The following GLI3 variants were observed in gnomAD, a reference collection of about 807,000 sequenced individuals.
GLI3 encodes GLI family zinc finger 3.
A neutral mutation model predicts 100.8 loss-of-function variants in GLI3; 20 were observed. The ratio of observed to expected loss-of-function variants is 0.20; its 90% CI spans 0.14 to 0.29. The LOEUF is 0.29. Among genes scored for constraint, GLI3 ranks in the 10% least tolerant of loss-of-function variants. The pLI, the probability that GLI3 is intolerant of heterozygous loss-of-function variation, is 1.00. For missense variants in GLI3, 2,040 were observed against 2,128.5 expected (o/e 0.96, Z 0.82); for synonymous variants, 938 against 860.5 (o/e 1.09, Z -1.58).
At position 41,965,188 on chromosome 7, in the gene GLI3, G is replaced by A; in HGVS notation, c.3885C>T (p.Phe1295=). Residue 1295 remains phenylalanine (F), a synonymous_variant, in exon 15 of 15, where the codon TTC becomes TTT. Coordinates refer to ENST00000395925, the MANE Select transcript of GLI3 (RefSeq NM_000168.6). ...PMQGSGGQLN[F]GLPVAPNESA... ...ACTCATTTGGCGCTACCGGCAGGCC[G>A]AAATTCAGCTGGCCCCCGCTCCCTT... 6.2e-7 allele frequency: 1 copy of A among 1,613,860 alleles called. No homozygotes were observed. The highest frequency in any genetic ancestry group is 2.2e-5 in the East Asian group (1 of 44,874).
At chr7:42,261,592 A>T (rs964645012) in intron 1 of GLI3, among the ~76,000 whole-genome samples, 5 of 152,224 alleles carry the variant, frequency 3.3e-5, no homozygotes, top group Admixed American at 2.6e-4. Flanking sequence ...AGATTTCATA[A>T]GTCAGACTAT....
At chr7:42,234,216 G>A (rs892922372) in intron 1 of GLI3, among the ~76,000 whole-genome samples, 1 of 152,124 alleles carries the variant, frequency 6.6e-6, no homozygotes, top group Non-Finnish European at 1.5e-5. Flanking sequence ...CTCCATGTAA[G>A]TGAGTGCATG....
At chr7:42,136,003 T>C (rs1225145392) in intron 3 of GLI3, among the ~76,000 whole-genome samples, 1 of 152,198 alleles carries the variant, frequency 6.6e-6, no homozygotes, top group Non-Finnish European at 1.5e-5. Flanking sequence ...CAGCCCTGTG[T>C]AGAACCACAT....
At chr7:42,169,655 TA>T (rs1269292312) in intron 2 of GLI3, among the ~76,000 whole-genome samples, 1 of 152,110 alleles carries the variant, frequency 6.6e-6, no homozygotes. Flanking sequence ...AAGACTTCCC[TA>T]AAAGGATGTT....
At chr7:42,133,797 C>T (rs1786354295) in intron 3 of GLI3, among the ~76,000 whole-genome samples, 2 of 151,874 alleles carry the variant, frequency 1.3e-5, no homozygotes, top group African/African-American at 2.4e-5. Flanking sequence ...TTAAGAACAT[C>T]CTAGCTGGGC....
chr7:41,995,918 A>G (rs769148582), intron 10 of GLI3, among the ~76,000 whole-genome samples: 1 of 152,180 alleles, frequency 6.6e-6, no homozygotes, highest in Non-Finnish European at 1.5e-5. Flanking sequence ...AACCAACATT[A>G]CAAGGGTTAA....
chr7:42,143,625 C>T (rs879525920), intron 3 of GLI3, among the ~76,000 whole-genome samples: 5 of 152,176 alleles, frequency 3.3e-5, no homozygotes, highest in African/African-American at 1.2e-4. Flanking sequence ...AGCACAACAG[C>T]CTTCCACAGA....
intron 1 of GLI3, among the ~76,000 whole-genome samples, chr7:42,260,759 G>T (rs192325601): frequency 6.6e-6 from 1 of 152,268 alleles, no homozygotes; most frequent in African/African-American, 2.4e-5. Flanking sequence ...AAGTGAACAT[G>T]GCAACAAAAG....
At chr7:42,152,495 A>G (rs1554334367) in intron 2 of GLI3, 1 of 822,308 alleles carries the variant, frequency 1.2e-6, no homozygotes, top group Non-Finnish European at 1.5e-6. Flanking sequence ...TGCTGCTCCC[A>G]TTAGAGGAAT....
Position 42,020,987 on chromosome 7 carries a change from TTCAA to T in GLI3, c.1497+2477_1497+2480del, listed in dbSNP as rs1340896874. Among the ~76,000 whole-genome samples, 3 of 152,114 alleles carry T rather than the reference TTCAA, an allele frequency of 2.0e-5. No homozygotes were observed. The East Asian group carries it at 5.8e-4, about 29-fold the overall frequency. Reference sequence around the variant, plus strand: ...TAGGTGGACTTGAAGTAGCTATTCCTTCAATCAACATAATACAAAGCACCTACCT... The same window carrying T: ...TAGGTGGACTTGAAGTAGCTATTCCTTCAACATAATACAAAGCACCTACCT... On this transcript the variant is annotated intron_variant, in intron 10 of 14. Transcript: ENST00000395925.
rs1788824707 is a variant in GLI3 at position 42,237,207 on chromosome 7, T to C, written c.-279A>G. On this transcript the variant is annotated 5_prime_UTR_variant, in exon 1 of 15. Coordinates refer to ENST00000395925, the MANE Select transcript of GLI3 (RefSeq NM_000168.6). ...AGCGGCGGGTGTGCGCGAGTGCGAG[T>C]GTGCGAGCGCGCCGGTGGCGCTGCC... 1 of 150,074 alleles carries C rather than the reference T, an allele frequency of 6.7e-6. No homozygotes were observed. Among genetic ancestry groups the C allele is most frequent in the South Asian group, 1.9e-4 (1 of 5,230 alleles). The allele number at this position is 150,074 out of a possible 1,614,324, so 9.3% of individuals were successfully genotyped here.
At chr7:42,104,699 C>A (rs987803284) in intron 3 of GLI3, among the ~76,000 whole-genome samples, 1 of 152,130 alleles carries the variant, frequency 6.6e-6, no homozygotes, top group African/African-American at 2.4e-5. Context: ...ACATATTGAA[C>A]TCTAATCCCC....
chr7:42,218,047 C>T (rs946673338), intron 2 of GLI3, among the ~76,000 whole-genome samples: 1 of 152,134 alleles, frequency 6.6e-6, no homozygotes, highest in African/African-American at 2.4e-5. Context: ...TTCGTGTTGC[C>T]AGAACTCAAA....
chr7:42,059,221 T>C (rs1185166322), intron 4 of GLI3, among the ~76,000 whole-genome samples: 1 of 152,092 alleles, frequency 6.6e-6, no homozygotes, highest in Admixed American at 6.6e-5. Context: ...ATACACATTA[T>C]ATATTAAATT....
At chr7:42,019,908 C>T (rs1788888002) in intron 10 of GLI3, among the ~76,000 whole-genome samples, 1 of 152,030 alleles carries the variant, frequency 6.6e-6, no homozygotes, top group Admixed American at 6.6e-5. Context: ...CAAAAATACA[C>T]ACCTATCTTC....
intron 3 of GLI3, among the ~76,000 whole-genome samples, chr7:42,108,587 C>A (rs528390398): frequency 4.8e-4 from 73 of 152,210 alleles, no homozygotes; most frequent in African/African-American, 1.7e-3. Flanking sequence ...TACACAGACA[C>A]CCTGCCTCCC....
chr7:42,097,322 C>T (rs1785361259), intron 3 of GLI3, among the ~76,000 whole-genome samples: 1 of 152,240 alleles, frequency 6.6e-6, no homozygotes, highest in East Asian at 1.9e-4. Context: ...CACAGCCACC[C>T]TATTAGAGAC....
chr7:42,052,544 C>G (rs1437314622), intron 4 of GLI3, among the ~76,000 whole-genome samples: 5 of 152,200 alleles, frequency 3.3e-5, no homozygotes, highest in African/African-American at 1.2e-4. Context: ...TTGGAACAAT[C>G]ACAGCTCCCT....
chr7:41,967,709 T>C lies in GLI3; in HGVS notation c.2318A>G (p.Lys773Arg), dbSNP rs773266300. 6 of 1,614,194 alleles carry C rather than the reference T, an allele frequency of 3.7e-6. No individual in the cohort carries two copies. The highest frequency in any genetic ancestry group is 8.5e-7 in the Non-Finnish European group (1 of 1,180,030). ...LQARRNPAGT[K>R]WMEHVKLERL... ...TTCTAGTTTTACGTGCTCCATCCAT[T>C]TGGTCCCTGCCGGGTTTCTCCTGGC... The change falls in exon 14 of 15, where the codon AAA (lysine) becomes AGA (arginine). Residue 773 changes from lysine (K) to arginine (R), a missense_variant. By Grantham distance (26) the Lys-to-Arg change is conservative. Around this residue, in one of 5 missense-constraint regions of GLI3, gnomAD observed 327 missense variants for 338.7 expected, o/e 0.97. Transcript: ENST00000395925.
Sources: allele counts gnomAD v4.1 joint callset (sites outside exome capture counted in the v4.1 genomes callset), GRCh38; gene constraint gnomAD v4.1.1; regional missense constraint gnomAD v4.1.1; transcripts MANE v1.5; gene names NCBI Gene and HGNC (gene_info 2026-07-23, HGNC 2026-07-21).